Variants in INSR observed in about 807,000 individuals in gnomAD.
The protein encoded by INSR is IR.
Under a neutral mutation model 142.6 loss-of-function variants are expected in INSR, and 67 were observed. The observed-to-expected ratio is 0.47, with a 90% CI of 0.39 to 0.58. INSR has a LOEUF of 0.58. Ranked by LOEUF, INSR falls within the 20% of genes least tolerant of loss-of-function variation. The probability of loss-of-function intolerance (pLI) is 0.00; values close to 1 mark genes in which losing one functional copy is unlikely to be tolerated. For missense variants in INSR, 1,248 were observed against 1,833.2 expected (o/e 0.68, Z 5.83); for synonymous variants, 756 against 743.1 (o/e 1.02, Z -0.28).
Position 7,163,078 on chromosome 19 carries a change from C to A in INSR, c.1983G>T (p.Arg661Ser), listed in dbSNP as rs780136082. 6.2e-7 allele frequency: 1 copy of A among 1,614,010 alleles called. No individual in the cohort carries two copies. The highest frequency in any genetic ancestry group is 1.7e-5 in the Admixed American group (1 of 59,992). ...CGAACAGCTCACTGTCTTCCGCCTG[C>A]CTCTCCCAGAAAACCAGGTAGTGGG... ...NITHYLVFWE[R>S]QAEDSELFEL... Residue 661 changes from arginine to serine, a missense_variant, in exon 9 of 22, where the codon AGG becomes AGT. Physicochemically the swap from Arg to Ser is moderately radical, Grantham distance 110 (BLOSUM62 -1). Coordinates refer to ENST00000302850, the MANE Select transcript of INSR (RefSeq NM_000208.4).
At chr19:7,148,256 A>C (rs1973229503) in intron 11 of INSR, among the ~76,000 whole-genome samples, 1 of 151,822 alleles carries the variant, frequency 6.6e-6, no homozygotes, top group South Asian at 2.1e-4. Flanking sequence ...TCCCACACTA[A>C]CCTGGTCATC....
rs1042540020 is a variant in INSR at position 7,259,025 on chromosome 19, T to C, written c.652+8320A>G. 5.1e-5 allele frequency among the ~76,000 whole-genome samples: 7 copies of C among 137,018 alleles called. 1 individual carries two copies. The highest frequency in any genetic ancestry group is 1.9e-4 in the African/African-American group (7 of 36,956). The allele number at this position is 137,018 out of a possible 152,430, so 89.9% of individuals were successfully genotyped here. A position where few individuals can be genotyped will look rare whatever the true frequency, so the allele number is the denominator to read the frequency against. Reference sequence around the variant, plus strand: ...CCTTCTTTCATTTCTCCTTCCCTCCTTTCCTTCCCTCCTTCCTTCCTTTCT... The same window carrying C: ...CCTTCTTTCATTTCTCCTTCCCTCCCTTCCTTCCCTCCTTCCTTCCTTTCT... On this transcript the variant is annotated intron_variant, in intron 2 of 21. Coordinates refer to ENST00000302850, the MANE Select transcript of INSR (RefSeq NM_000208.4).
chr19:7,239,987 T>C (rs1976292136), intron 2 of INSR, among the ~76,000 whole-genome samples: 3 of 152,100 alleles, frequency 2.0e-5, no homozygotes, highest in African/African-American at 7.2e-5. Flanking sequence ...CAGGCTGGAG[T>C]GCAGTGGCGC....
chr19:7,196,205 G>C lies in INSR; in HGVS notation c.653-11568C>G, dbSNP rs143062070. 2.0e-3 allele frequency among the ~76,000 whole-genome samples: 307 copies of C among 152,278 alleles called. 8 individuals carry two copies. In the East Asian group the frequency reaches 0.041, roughly 20 times the overall value. Reference sequence around the variant, plus strand: ...CCGCCTCAGCTTCCCAAAGTGCTGGGATTACAGGCATGAGCCACCACGCCT... The same window carrying C: ...CCGCCTCAGCTTCCCAAAGTGCTGGCATTACAGGCATGAGCCACCACGCCT... On this transcript the variant is annotated intron_variant, in intron 2 of 21. Transcript: ENST00000302850.
intron 2 of INSR, among the ~76,000 whole-genome samples, chr19:7,256,000 G>A (rs1568222091): frequency 1.3e-5 from 2 of 152,070 alleles, no homozygotes; most frequent in African/African-American, 4.8e-5. Flanking sequence ...CCCCGGAAGA[G>A]GAGCCGGGAG....
intron 2 of INSR, among the ~76,000 whole-genome samples, chr19:7,193,953 C>T (rs569606350): frequency 1.1e-5 from 1 of 93,442 alleles, no homozygotes; most frequent in South Asian, 3.5e-4. Flanking sequence ...CCGCTCTCCC[C>T]GAGCTCCCAA....
chr19:7,120,866 C>A, intron 19 of INSR, 117 bp from the exon 20 acceptor site: 1 of 1,333,204 alleles, frequency 7.5e-7, no homozygotes, highest in Non-Finnish European at 1.1e-6. Context: ...CCCACGTCTG[C>A]GCTCACCTGG....
At chr19:7,207,643 G>GC (rs987286126) in intron 2 of INSR, among the ~76,000 whole-genome samples, 2 of 150,582 alleles carry the variant, frequency 1.3e-5, no homozygotes, top group Admixed American at 6.6e-5. Context: ...AGGAGAATGG[G>GC]CCGGGCCAGT....
intron 2 of INSR, among the ~76,000 whole-genome samples, chr19:7,237,581 C>T (rs777096345): frequency 4.6e-5 from 7 of 151,770 alleles, no homozygotes; most frequent in South Asian, 2.1e-4. Flanking sequence ...TTTGGAAGGC[C>T]GAGGCGGGTG....
intron 4 of INSR, among the ~76,000 whole-genome samples, chr19:7,173,474 G>A (rs568164369): frequency 4.6e-4 from 70 of 150,776 alleles, no homozygotes; most frequent in African/African-American, 1.6e-3. Flanking sequence ...ATGTGCCACC[G>A]TGCCCAGCTA....
intron 9 of INSR, among the ~76,000 whole-genome samples, chr19:7,158,549 A>G (rs755407340): frequency 6.6e-6 from 1 of 152,144 alleles, no homozygotes; most frequent in Non-Finnish European, 1.5e-5. Context: ...TGAAGTCTCT[A>G]GAATCAGATT....
intron 9 of INSR, 70 bp from the exon 10 acceptor site, chr19:7,152,997 C>CA: frequency 2.9e-6 from 2 of 692,364 alleles, no homozygotes; most frequent in Non-Finnish European, 4.6e-6. Context: ...ACACACACAC[C>CA]CCACACACAC....
chr19:7,152,902 C>T lies in INSR; in HGVS notation c.2055G>A (p.Trp685Ter). 6.2e-7 allele frequency: 1 copy of T among 1,612,274 alleles called. No homozygotes were observed. Among genetic ancestry groups the T allele is most frequent in the Non-Finnish European group, 8.5e-7 (1 of 1,179,802 alleles). The change falls in exon 10 of 22, where the codon TGG becomes TGA. Residue 685 changes from tryptophan to a stop codon, truncating the protein, a stop_gained. Coordinates refer to ENST00000302850, the MANE Select transcript of INSR (RefSeq NM_000208.4). LOFTEE classifies it high-confidence loss of function. ...AATCTTCAGACTCGAATGGTGGAGACCAGGTCCTCGAGGGCAGCTTCAGCC... is the reference window on the plus strand; with the variant it reads ...AATCTTCAGACTCGAATGGTGGAGATCAGGTCCTCGAGGGCAGCTTCAGCC... ...LKGLKLPSRT[W>*]SPPFESEDSQ...
rs1972359680 is a variant in INSR, at chr19:7,117,326, G to A, written c.3879C>T (p.Asp1293=). 1 of 1,614,044 alleles carries A rather than the reference G, an allele frequency of 6.2e-7. No individual in the cohort carries two copies. Among genetic ancestry groups the A allele is most frequent in the Non-Finnish European group, 8.5e-7 (1 of 1,180,046 alleles). ...ACACCTCTGGAAAGCTGGGGTGCAG[G>A]TCGTCCTTGAGCAGGTTGACAATCT... The part of the protein sequence containing the change: ...FLEIVNLLKD[D]LHPSFPEVSF... The change falls in exon 22 of 22, where the codon GAC becomes GAT. Residue 1293 remains aspartate, a synonymous_variant. Coordinates refer to ENST00000302850, the MANE Select transcript of INSR (RefSeq NM_000208.4).
chr19:7,175,502 G>A (rs1048893906), intron 3 of INSR, among the ~76,000 whole-genome samples: 39 of 152,130 alleles, frequency 2.6e-4, no homozygotes, highest in Admixed American at 1.5e-3. Flanking sequence ...CCACTCACGA[G>A]CTGCCAGTAG....
intron 14 of INSR, among the ~76,000 whole-genome samples, chr19:7,129,707 C>T (rs1209250533): frequency 6.6e-6 from 1 of 152,058 alleles, no homozygotes; most frequent in African/African-American, 2.4e-5. Flanking sequence ...AGTCCCGATC[C>T]CAGCATGACT....
At position 7,248,464 on chromosome 19, in the gene INSR, C is replaced by T. The variant is rs377414117; in HGVS notation, c.652+18881G>A. ...TTACATCACTGCACTCCAGCCTGGG[C>T]GACAGAGGGAGACCCCATCTCAAAA... On this transcript the variant is annotated intron_variant, in intron 2 of 21. Coordinates refer to ENST00000302850, the MANE Select transcript of INSR (RefSeq NM_000208.4). Among the ~76,000 whole-genome samples, 113 of 115,966 alleles carry T rather than the reference C, an allele frequency of 9.7e-4. No homozygotes were observed. The East Asian group carries it at 0.026, about 27-fold the overall frequency. 76.1% of individuals were successfully genotyped at this position (115,966 alleles called of 152,430 possible). A position where few individuals can be genotyped will look rare whatever the true frequency, so the allele number is the denominator to read the frequency against.
chr19:7,130,019 G>T (rs924487132), intron 14 of INSR, among the ~76,000 whole-genome samples: 5 of 139,098 alleles, frequency 3.6e-5, no homozygotes, highest in African/African-American at 1.3e-4. Flanking sequence ...GATTACAGGT[G>T]TGAGCCACCT....
rs578113303 is a variant in INSR at position 7,158,239 on chromosome 19, G to A, written c.2029+4793C>T. 5.9e-5 allele frequency among the ~76,000 whole-genome samples: 9 copies of A among 152,032 alleles called. No individual in the cohort carries two copies. In the South Asian group the frequency reaches 1.5e-3, roughly 25 times the overall value. ...TAATGGGCCAGGCGCGGTGACTCACGCCTGTAATCCCAGCACGTTGGGAGG... is the reference window on the plus strand; with the variant it reads ...TAATGGGCCAGGCGCGGTGACTCACACCTGTAATCCCAGCACGTTGGGAGG... On this transcript the variant is annotated intron_variant, in intron 9 of 21. Transcript: ENST00000302850.
Sources: allele counts gnomAD v4.1 joint callset (sites outside exome capture counted in the v4.1 genomes callset), GRCh38; gene constraint gnomAD v4.1.1; transcripts MANE v1.5; gene names NCBI Gene and HGNC (gene_info 2026-07-23, HGNC 2026-07-21).